The following KCNN3 variants were observed in gnomAD, a reference collection of about 807,000 sequenced individuals.
The protein encoded by KCNN3 is small conductance calcium-activated potassium channel protein 3.
KCNN3 carries 16 observed loss-of-function variants against 62.9 expected under a neutral mutation model. The ratio of observed to expected loss-of-function variants is 0.25; its 90% CI spans 0.17 to 0.39. KCNN3 has a LOEUF of 0.39. Ranked by LOEUF, KCNN3 falls within the 10% of genes least tolerant of loss-of-function variation. The pLI, the probability that KCNN3 is intolerant of heterozygous loss-of-function variation, is 1.00. For synonymous variants in KCNN3, 370 were observed against 389.2 expected, an observed-to-expected ratio of 0.95 and a Z score of 0.58; for missense variants, 599 against 949.4, an observed-to-expected ratio of 0.63 and a Z score of 4.85.
At chr1:154,715,381 A>G (rs145872733) in intron 5 of KCNN3, among the ~76,000 whole-genome samples, 135 of 145,154 alleles carry the variant, frequency 9.3e-4, no homozygotes, top group African/African-American at 3.1e-3. Flanking sequence ...GGTTGCTGTG[A>G]GCTGAGATCA....
At chr1:154,752,055 A>G (rs1647403935) in intron 3 of KCNN3, among the ~76,000 whole-genome samples, 1 of 152,192 alleles carries the variant, frequency 6.6e-6, no homozygotes, top group South Asian at 2.1e-4. Context: ...CATGGAGGAA[A>G]GTCCTCCGGG....
intron 2 of KCNN3, among the ~76,000 whole-genome samples, chr1:154,811,662 G>A (rs148105801): frequency 2.0e-5 from 3 of 152,172 alleles, no homozygotes; most frequent in East Asian, 3.9e-4. Flanking sequence ...TCTTTTCCTC[G>A]TCCAATTGTT....
At chr1:154,802,702 C>T (rs1046275403) in intron 2 of KCNN3, among the ~76,000 whole-genome samples, 2 of 152,102 alleles carry the variant, frequency 1.3e-5, no homozygotes, top group African/African-American at 4.8e-5. Flanking sequence ...AAAAAAGATC[C>T]ATTCATCAAA....
At chr1:154,865,981 A>G (rs1204655544) in intron 1 of KCNN3, among the ~76,000 whole-genome samples, 5 of 152,158 alleles carry the variant, frequency 3.3e-5, no homozygotes, top group Admixed American at 3.3e-4. Context: ...CCAACCAGGC[A>G]CACAAAGCTC....
At chr1:154,798,083 A>G (rs1462321851) in intron 2 of KCNN3, among the ~76,000 whole-genome samples, 1 of 152,144 alleles carries the variant, frequency 6.6e-6, no homozygotes, top group East Asian at 1.9e-4. Context: ...AATCATCCCG[A>G]GAGGCCAGGG....
chr1:154,849,978 C>T (rs867704847), intron 1 of KCNN3, among the ~76,000 whole-genome samples: 31 of 152,218 alleles, frequency 2.0e-4, no homozygotes, highest in African/African-American at 7.2e-4. Context: ...TCTAAAGGCA[C>T]AGTTAGATCC....
chr1:154,726,999 A>T (rs12092263), intron 4 of KCNN3, among the ~76,000 whole-genome samples: 4 of 152,146 alleles, frequency 2.6e-5, no homozygotes, highest in African/African-American at 9.7e-5. Context: ...CATTCTCCCA[A>T]TGCATTTTAA....
intron 1 of KCNN3, among the ~76,000 whole-genome samples, chr1:154,839,184 T>C (rs1651722751): frequency 6.6e-6 from 1 of 152,080 alleles, no homozygotes; most frequent in African/African-American, 2.4e-5. Context: ...ATGAAATGAG[T>C]GCATAACCAC....
At chr1:154,790,251 G>A (rs1188424516) in intron 2 of KCNN3, among the ~76,000 whole-genome samples, 3 of 152,202 alleles carry the variant, frequency 2.0e-5, no homozygotes, top group African/African-American at 7.2e-5. Flanking sequence ...GCTTTTAAAA[G>A]CAGAGTATCA....
intron 1 of KCNN3, among the ~76,000 whole-genome samples, chr1:154,828,286 G>T (rs951705065): frequency 4.6e-5 from 7 of 151,990 alleles, no homozygotes; most frequent in Non-Finnish European, 1.0e-4. Flanking sequence ...TGATGACCAA[G>T]GCGCCGAGCA....
intron 1 of KCNN3, among the ~76,000 whole-genome samples, chr1:154,864,880 A>G (rs1038625325): frequency 2.6e-5 from 4 of 152,098 alleles, no homozygotes; most frequent in African/African-American, 7.2e-5. Context: ...GGCATGGGGA[A>G]GTGGCTTGAG....
intron 4 of KCNN3, among the ~76,000 whole-genome samples, chr1:154,726,353 T>C (rs1314216236): frequency 6.6e-6 from 1 of 152,152 alleles, no homozygotes; most frequent in East Asian, 1.9e-4. Flanking sequence ...AAGCACCTGG[T>C]CAGCTGCCAA....
At chr1:154,746,921 G>C (rs1453407018) in intron 3 of KCNN3, among the ~76,000 whole-genome samples, 1 of 152,194 alleles carries the variant, frequency 6.6e-6, no homozygotes, top group African/African-American at 2.4e-5. Flanking sequence ...GTAGGTGCAT[G>C]GGTCCCCCCA....
intron 3 of KCNN3, among the ~76,000 whole-genome samples, chr1:154,765,660 A>C (rs1571253426): frequency 1.5e-5 from 2 of 134,474 alleles, no homozygotes; most frequent in African/African-American, 2.8e-5. Context: ...ACAGGGTCTC[A>C]CTCTGTCACC....
At chr1:154,822,015 G>A in intron 2 of KCNN3, 74 bp downstream of exon 2, 2 of 1,098,360 alleles carry the variant, frequency 1.8e-6, no homozygotes, top group South Asian at 1.3e-5. Flanking sequence ...GGTTTTGGGG[G>A]TGGGGATGGG....
rs1553231995 is a variant in KCNN3, at chr1:154,766,416, T to TTAAATATATATATATATATA, written c.1448+5558_1448+5559insTATATATATATATATATTTA. Reference sequence around the variant, plus strand: ...CCATTTATTAAATACTAGCCAGGCTTTATATATATATATATATATATATAT... The same window carrying TTAAATATATATATATATATA: ...CCATTTATTAAATACTAGCCAGGCTTTAAATATATATATATATATATATATATATATATATATATATATAT... On this transcript the variant is annotated intron_variant, in intron 3 of 7. Transcript: ENST00000271915. Among the ~76,000 whole-genome samples the TTAAATATATATATATATATA allele has an allele frequency of 2.0e-3, 144 of 71,784 alleles. 15 individuals are homozygous for TTAAATATATATATATATATA. Among genetic ancestry groups the TTAAATATATATATATATATA allele is most frequent in the Middle Eastern group, 0.024 (2 of 82 alleles). The allele number at this position is 71,784 out of a possible 152,430, so 47.1% of individuals were successfully genotyped here.
chr1:154,793,238 G>A (rs200917186), intron 2 of KCNN3, among the ~76,000 whole-genome samples: 2 of 152,236 alleles, frequency 1.3e-5, no homozygotes, highest in Non-Finnish European at 2.9e-5. Flanking sequence ...TGAAGAGCTA[G>A]CAGTGGCCTG....
Position 154,700,646 on chromosome 1 carries a change from CAAAAA to C in KCNN3, c.*7325_*7329del, listed in dbSNP as rs1181026556. 2 of 151,682 alleles carry C rather than the reference CAAAAA, an allele frequency of 1.3e-5. No individual in the cohort carries two copies. The highest frequency in any genetic ancestry group is 2.9e-5 in the Non-Finnish European group (2 of 67,960). 9.4% of individuals were successfully genotyped at this position (151,682 alleles called of 1,614,324 possible). On this transcript the variant is annotated 3_prime_UTR_variant, in exon 8 of 8. Transcript: ENST00000271915. ...TGAAACCCTGTCTCTACTAAAAATA[CAAAAA>C]AATTAGCTGGTCGTGGTGGCACGCA... is the stretch of plus-strand genomic sequence containing the variant.
At chr1:154,743,445 A>T (rs1700869534) in intron 3 of KCNN3, among the ~76,000 whole-genome samples, 1 of 152,118 alleles carries the variant, frequency 6.6e-6, no homozygotes, top group Non-Finnish European at 1.5e-5. Context: ...CTCTGAGCCC[A>T]TCTCACCTTC....
Sources: allele counts gnomAD v4.1 joint callset (sites outside exome capture counted in the v4.1 genomes callset), GRCh38; gene constraint gnomAD v4.1.1; transcripts MANE v1.5; gene names NCBI Gene and HGNC (gene_info 2026-07-23, HGNC 2026-07-21).